Variants in DPP10 observed in about 807,000 individuals in gnomAD.
DPP10 encodes the protein inactive dipeptidyl peptidase 10.
Under a neutral mutation model 120.9 loss-of-function variants are expected in DPP10, and 33 were observed. The ratio of observed to expected loss-of-function variants is 0.27; its 90% CI spans 0.21 to 0.37. The LOEUF is 0.37. Among genes scored for constraint, DPP10 ranks in the 10% least tolerant of loss-of-function variants. DPP10 has a pLI of 1.00. For missense variants in DPP10, 816 were observed against 942.8 expected, an observed-to-expected ratio of 0.87 and a Z score of 1.76; for synonymous variants, 337 against 326.1, an observed-to-expected ratio of 1.03 and a Z score of -0.36.
In DPP10 at chr2:114,457,996, G is replaced by A. The variant is rs186344783; in HGVS notation, c.60+15158G>A. ...ACAACAATATTCCTTATGTGCTGTC[G>A]GAACTCTCTTTTCAAGGGTAAGGCA... On this transcript the variant is annotated intron_variant, in intron 1 of 25. Coordinates refer to ENST00000410059, the MANE Select transcript of DPP10 (RefSeq NM_020868.6). Among the ~76,000 whole-genome samples, 12 of 152,224 alleles carry A rather than the reference G, an allele frequency of 7.9e-5. No individual in the cohort carries two copies. In the East Asian group the frequency reaches 1.4e-3, roughly 17 times the overall value.
At chr2:114,899,633 T>C (rs923600968) in intron 1 of DPP10, among the ~76,000 whole-genome samples, 7 of 149,114 alleles carry the variant, frequency 4.7e-5, no homozygotes, top group Non-Finnish European at 9.0e-5. Flanking sequence ...TTTCTAATTT[T>C]TTCTTTAACT....
At chr2:115,190,007 A>G (rs938651905) in intron 1 of DPP10, among the ~76,000 whole-genome samples, 2 of 152,082 alleles carry the variant, frequency 1.3e-5, no homozygotes, top group African/African-American at 4.8e-5. Context: ...TGAAGGTGCA[A>G]CATTGAGTTT....
intron 5 of DPP10, among the ~76,000 whole-genome samples, chr2:115,590,738 G>A (rs11897568): frequency 4.6e-5 from 7 of 152,258 alleles, no homozygotes; most frequent in South Asian, 4.1e-4. Flanking sequence ...TTGAGGAATC[G>A]CCACACTGTC....
At chr2:115,345,069 A>G (rs1337757972) in intron 3 of DPP10, among the ~76,000 whole-genome samples, 2 of 152,204 alleles carry the variant, frequency 1.3e-5, no homozygotes, top group South Asian at 2.1e-4. Flanking sequence ...TCTCCTGGAG[A>G]TCTGCAGGCA....
At chr2:114,845,337 C>T (rs1688460864) in intron 1 of DPP10, among the ~76,000 whole-genome samples, 1 of 152,018 alleles carries the variant, frequency 6.6e-6, no homozygotes, top group Admixed American at 6.6e-5. Flanking sequence ...TATGTGGGGA[C>T]AGGGGGTATA....
chr2:114,513,521 C>CAAA (rs10712243), intron 1 of DPP10, among the ~76,000 whole-genome samples: 69 of 74,908 alleles, frequency 9.2e-4, no homozygotes, highest in East Asian at 1.2e-3. Context: ...AACTCTACCT[C>CAAA]AAAAAAAAAA....
At chr2:115,537,642 A>G (rs2078936487) in intron 5 of DPP10, among the ~76,000 whole-genome samples, 2 of 151,136 alleles carry the variant, frequency 1.3e-5, no homozygotes, top group Admixed American at 1.3e-4. Flanking sequence ...TATATTAGGA[A>G]AATACTATGA....
intron 1 of DPP10, among the ~76,000 whole-genome samples, chr2:114,578,356 C>A (rs868213512): frequency 6.6e-6 from 1 of 152,062 alleles, no homozygotes. Flanking sequence ...ATTACCATGT[C>A]TTTATTTATA....
intron 3 of DPP10, among the ~76,000 whole-genome samples, chr2:115,486,081 T>G (rs2075759690): frequency 6.6e-6 from 1 of 152,136 alleles, no homozygotes; most frequent in Non-Finnish European, 1.5e-5. Flanking sequence ...CCTTGACATG[T>G]TTGCATTACA....
Position 115,842,351 on chromosome 2 carries a change from T to C in DPP10, c.*6T>C, listed in dbSNP as rs272009. 1,606,434 of 1,613,108 alleles carry C rather than the reference T, an allele frequency of 1. 799,989 individuals are homozygous for C. Among genetic ancestry groups the C allele is most frequent in the East Asian group, 1 (44,828 of 44,828 alleles). On this transcript the variant is annotated 3_prime_UTR_variant, in exon 26 of 26. Transcript: ENST00000410059. ...AACCAGAAGAAGATGAATAATGGAC[T>C]GTATTTATACAGAACTGAAGGGAAT...
chr2:114,933,556 T>C (rs1199524803), intron 1 of DPP10, among the ~76,000 whole-genome samples: 1 of 152,200 alleles, frequency 6.6e-6, no homozygotes, highest in Admixed American at 6.5e-5. Flanking sequence ...CTACTGGTCC[T>C]CTGAAAGCCC....
chr2:115,209,808 G>A (rs1425609289), intron 1 of DPP10, among the ~76,000 whole-genome samples: 1 of 152,112 alleles, frequency 6.6e-6, no homozygotes, highest in East Asian at 1.9e-4. Context: ...AGACAAGGAA[G>A]AATTACACAT....
At chr2:115,743,578 GTCT>G (rs1677563205) in intron 9 of DPP10, among the ~76,000 whole-genome samples, 2 of 152,104 alleles carry the variant, frequency 1.3e-5, no homozygotes, top group Non-Finnish European at 2.9e-5. Flanking sequence ...AAGATTTAAT[GTCT>G]TAACAATAAT....
At chr2:114,669,926 T>C (rs1340398244) in intron 1 of DPP10, among the ~76,000 whole-genome samples, 7 of 151,980 alleles carry the variant, frequency 4.6e-5, no homozygotes, top group Non-Finnish European at 1.5e-5. Context: ...AAAATGCTCA[T>C]CATCACTGGC....
At chr2:115,358,638 A>G (rs1479575483) in intron 3 of DPP10, among the ~76,000 whole-genome samples, 2 of 152,134 alleles carry the variant, frequency 1.3e-5, no homozygotes, top group East Asian at 3.9e-4. Flanking sequence ...TCCTTATAGC[A>G]GCACCCCACT....
chr2:115,636,868 A>T (rs1048524621), intron 5 of DPP10, among the ~76,000 whole-genome samples: 4 of 152,164 alleles, frequency 2.6e-5, no homozygotes, highest in Non-Finnish European at 5.9e-5. Flanking sequence ...AAAATTGCAG[A>T]ATCTAAGAGG....
chr2:115,537,406 G>A (rs1033830861), intron 5 of DPP10, among the ~76,000 whole-genome samples: 3 of 152,008 alleles, frequency 2.0e-5, no homozygotes, highest in Non-Finnish European at 4.4e-5. Context: ...AGTAAAGTGA[G>A]TCCCTATATA....
intron 4 of DPP10, among the ~76,000 whole-genome samples, chr2:115,519,231 G>A (rs1370196321): frequency 6.6e-6 from 1 of 151,996 alleles, no homozygotes; most frequent in Non-Finnish European, 1.5e-5. Flanking sequence ...GGCCTATGAT[G>A]TAAATGAATA....
rs1053106806 is a variant in DPP10, at chr2:114,460,169, A to ATTATC, written c.60+17332_60+17333insTATCT. 3.0e-4 allele frequency among the ~76,000 whole-genome samples: 44 copies of ATTATC among 148,516 alleles called. 2 individuals are homozygous for ATTATC. The highest frequency in any genetic ancestry group is 1.1e-3 in the African/African-American group (44 of 40,200). ...ATAGCAACCGAATGCATTTGGGATGATATCTATCTATCTATCTATCTATCT... is the reference window on the plus strand; with the variant it reads ...ATAGCAACCGAATGCATTTGGGATGATTATCTATCTATCTATCTATCTATCTATCT... On this transcript the variant is annotated intron_variant, in intron 1 of 25. Coordinates refer to ENST00000410059, the MANE Select transcript of DPP10 (RefSeq NM_020868.6).
Sources: allele counts gnomAD v4.1 joint callset (sites outside exome capture counted in the v4.1 genomes callset), GRCh38; gene constraint gnomAD v4.1.1; transcripts MANE v1.5; gene names NCBI Gene and HGNC (gene_info 2026-07-23, HGNC 2026-07-21).